NAALADL2: variants seen among roughly 807,000 people sequenced by gnomAD.
NAALADL2 encodes inactive N-acetylated-alpha-linked acidic dipeptidase-like protein 2.
A neutral mutation model predicts 87.2 loss-of-function variants in NAALADL2; 76 were observed. The ratio of observed to expected loss-of-function variants is 0.87; its 90% CI spans 0.72 to 1.05. NAALADL2 has a LOEUF of 1.05. NAALADL2 is among the 50% of genes least tolerant of loss of function. The pLI is 0.00. For missense variants in NAALADL2, 1,089 were observed against 945.8 expected (o/e 1.15, Z -1.99); for synonymous variants, 354 against 331.0 (o/e 1.07, Z -0.75).
At chr3:175,127,876 T>A (rs956167509) in intron 2 of NAALADL2, among the ~76,000 whole-genome samples, 13 of 152,046 alleles carry the variant, frequency 8.6e-5, no homozygotes, top group Non-Finnish European at 2.9e-5. Context: ...GAATAAATAT[T>A]ATGAAAGACA....
intron 12 of NAALADL2, among the ~76,000 whole-genome samples, chr3:175,747,160 A>G (rs1746033716): frequency 6.6e-6 from 1 of 152,078 alleles, no homozygotes; most frequent in African/African-American, 2.4e-5. Context: ...CTTTGAACTC[A>G]TATTTATTAT....
intron 2 of NAALADL2, among the ~76,000 whole-genome samples, chr3:174,718,263 ATTAT>A (rs1406589015): frequency 6.6e-6 from 1 of 152,206 alleles, no homozygotes; most frequent in Non-Finnish European, 1.5e-5. Flanking sequence ...AAGATCACAT[ATTAT>A]TTAAATGTTT....
At chr3:174,870,106 C>CGT (rs1727634404) in intron 1 of NAALADL2, among the ~76,000 whole-genome samples, 1 of 149,222 alleles carries the variant, frequency 6.7e-6, no homozygotes, top group African/African-American at 2.5e-5. Flanking sequence ...TGTGTGTAAG[C>CGT]GTGTGTGCGT....
intron 4 of NAALADL2, among the ~76,000 whole-genome samples, chr3:175,314,688 A>AG (rs1367740377): frequency 2.5e-5 from 1 of 39,610 alleles, no homozygotes. Flanking sequence ...ATATATATAT[A>AG]TATATATATA....
chr3:175,682,525 C>A (rs1447713477), intron 11 of NAALADL2, among the ~76,000 whole-genome samples: 1 of 151,960 alleles, frequency 6.6e-6, no homozygotes, highest in East Asian at 1.9e-4. Context: ...GATTGTAAAA[C>A]AGATTGAGGA....
intron 1 of NAALADL2, among the ~76,000 whole-genome samples, chr3:174,468,422 C>A (rs1277894468): frequency 1.3e-5 from 2 of 148,426 alleles, no homozygotes; most frequent in Non-Finnish European, 3.0e-5. Flanking sequence ...TCACTCTTGC[C>A]CAGGCTGGAG....
At chr3:174,983,251 G>A (rs573147811) in intron 1 of NAALADL2, among the ~76,000 whole-genome samples, 1 of 152,228 alleles carries the variant, frequency 6.6e-6, no homozygotes, top group Non-Finnish European at 1.5e-5. Flanking sequence ...AAAAATACAA[G>A]GCACTGCAGG....
intron 2 of NAALADL2, among the ~76,000 whole-genome samples, chr3:175,148,638 T>C (rs1731122711): frequency 6.6e-6 from 1 of 152,130 alleles, no homozygotes; most frequent in South Asian, 2.1e-4. Context: ...AAGGTAGGGG[T>C]CCACTTTCAT....
intron 5 of NAALADL2, among the ~76,000 whole-genome samples, chr3:175,346,382 A>C (rs1417199629): frequency 6.6e-6 from 1 of 152,154 alleles, no homozygotes; most frequent in Non-Finnish European, 1.5e-5. Context: ...TTTTACCTAA[A>C]TGGAATATAT....
chr3:174,558,688 C>G (rs1290372588), intron 2 of NAALADL2, among the ~76,000 whole-genome samples: 1 of 152,086 alleles, frequency 6.6e-6, no homozygotes, highest in Non-Finnish European at 1.5e-5. Context: ...ACAGATGAAG[C>G]TTTGCTCACT....
intron 4 of NAALADL2, among the ~76,000 whole-genome samples, chr3:175,296,211 A>T (rs570980844): frequency 8.1e-4 from 124 of 152,212 alleles, no homozygotes; most frequent in African/African-American, 2.6e-3. Context: ...TGCCATAATG[A>T]CTAGGAGGTG....
At chr3:174,659,343 A>G (rs1418530111) in intron 2 of NAALADL2, among the ~76,000 whole-genome samples, 4 of 152,194 alleles carry the variant, frequency 2.6e-5, no homozygotes, top group Non-Finnish European at 5.9e-5. Context: ...TTTCTGTATG[A>G]ATATATTAGA....
intron 2 of NAALADL2, among the ~76,000 whole-genome samples, chr3:175,158,080 A>T (rs1264710423): frequency 6.6e-6 from 1 of 152,014 alleles, no homozygotes; most frequent in Non-Finnish European, 1.5e-5. Context: ...TTATTTTTTG[A>T]GGAGTTTTCT....
intron 3 of NAALADL2, among the ~76,000 whole-genome samples, chr3:174,775,443 A>G (rs1479129029): frequency 1.3e-5 from 2 of 152,134 alleles, no homozygotes; most frequent in Admixed American, 6.6e-5. Context: ...TGTGTTTTCA[A>G]GTTTCATCCA....
intron 3 of NAALADL2, among the ~76,000 whole-genome samples, chr3:174,814,006 C>A (rs77553017): frequency 6.6e-6 from 1 of 151,992 alleles, no homozygotes; most frequent in African/African-American, 2.4e-5. Flanking sequence ...TATAATGATA[C>A]GTATTTCATA....
intron 1 of NAALADL2, among the ~76,000 whole-genome samples, chr3:174,486,653 T>A (rs1349289194): frequency 2.0e-5 from 3 of 152,028 alleles, no homozygotes; most frequent in Admixed American, 6.6e-5. Context: ...TTTTTCAGTT[T>A]GTTCTGCTTT....
intron 1 of NAALADL2, among the ~76,000 whole-genome samples, chr3:174,526,533 G>C (rs113142414): frequency 6.6e-6 from 1 of 151,892 alleles, no homozygotes; most frequent in African/African-American, 2.4e-5. Flanking sequence ...TATTATTTGT[G>C]GTAAATGGAT....
At chr3:175,298,307 A>C (rs1756630122) in intron 4 of NAALADL2, among the ~76,000 whole-genome samples, 1 of 152,176 alleles carries the variant, frequency 6.6e-6, no homozygotes, top group Admixed American at 6.6e-5. Context: ...AGTATAAATT[A>C]TCAGACATAA....
chr3:175,583,890 G>T (rs1720158726), intron 10 of NAALADL2, among the ~76,000 whole-genome samples: 1 of 152,162 alleles, frequency 6.6e-6, no homozygotes, highest in South Asian at 2.1e-4. Flanking sequence ...ATAAAGGCAA[G>T]GTAGAGCAAG....
Sources: allele counts gnomAD v4.1 joint callset (sites outside exome capture counted in the v4.1 genomes callset), GRCh38; gene constraint gnomAD v4.1.1; transcripts MANE v1.5; gene names NCBI Gene and HGNC (gene_info 2026-07-23, HGNC 2026-07-21).